SLC30A6: variants seen among roughly 807,000 people sequenced by gnomAD.
The protein encoded by SLC30A6 is solute carrier family 30 member 6.
Under a neutral mutation model 63.0 loss-of-function variants are expected in SLC30A6, and 55 were observed. The observed-to-expected ratio is 0.87, with a 90% CI of 0.70 to 1.09. The LOEUF (loss-of-function observed/expected upper bound fraction) is 1.09, where lower values mean the gene tolerates loss of function less well. Ranked by LOEUF, SLC30A6 falls within the 50% of genes least tolerant of loss-of-function variation. The probability of loss-of-function intolerance (pLI) is 0.00; values close to 1 mark genes in which losing one functional copy is unlikely to be tolerated. For synonymous variants in SLC30A6, 224 were observed against 186.1 expected, an observed-to-expected ratio of 1.20 and a Z score of -1.66; for missense variants, 587 against 549.2, an observed-to-expected ratio of 1.07 and a Z score of -0.69.
chr2:32,217,686 A>G (rs193211212), intron 13 of SLC30A6, among the ~76,000 whole-genome samples: 412 of 152,248 alleles, frequency 2.7e-3, no homozygotes, highest in Middle Eastern at 6.8e-3. Context: ...TGATCTTCCA[A>G]TCCATGAGCG....
At chr2:32,184,136 T>C (rs946826949) in intron 4 of SLC30A6, 137 bp from the exon 5 acceptor site, 12 of 296,484 alleles carry the variant, frequency 4.0e-5, no homozygotes, top group African/African-American at 2.6e-4. Context: ...CTTAATAAAT[T>C]ATTAGAATAA....
At position 32,218,354 on chromosome 2, in the gene SLC30A6, G is replaced by C. The variant is rs181352845; in HGVS notation, c.886-1859G>C. Among the ~76,000 whole-genome samples the C allele has an allele frequency of 9.2e-5, 14 of 152,272 alleles. No homozygotes were observed. In the East Asian group the frequency reaches 2.7e-3, roughly 29 times the overall value. ...ACTTCTAACTCTCATTGTAATGCCT[G>C]GTGTTCTCTATCCCTTAGAAGCCTT... On this transcript the variant is annotated intron_variant, in intron 13 of 13. Transcript: ENST00000282587.
chr2:32,191,942 C>G (rs1392562089), intron 5 of SLC30A6, among the ~76,000 whole-genome samples: 1 of 151,706 alleles, frequency 6.6e-6, no homozygotes, highest in African/African-American at 2.4e-5. Flanking sequence ...GTTAAGCACT[C>G]TGGTGTCTAA....
chr2:32,206,239 G>T (rs1356510330), intron 11 of SLC30A6, among the ~76,000 whole-genome samples: 1 of 151,766 alleles, frequency 6.6e-6, no homozygotes, highest in Admixed American at 6.6e-5. Flanking sequence ...GAGGTCAGGA[G>T]ATCAAGACCA....
At chr2:32,201,439 A>G (rs1414027409) in intron 10 of SLC30A6, among the ~76,000 whole-genome samples, 1 of 152,238 alleles carries the variant, frequency 6.6e-6, no homozygotes, top group Non-Finnish European at 1.5e-5. Context: ...ACTTGATATA[A>G]TTACTGATAG....
intron 10 of SLC30A6, chr2:32,201,831 C>A: frequency 7.0e-7 from 1 of 1,426,348 alleles, no homozygotes; most frequent in Middle Eastern, 1.9e-4. Flanking sequence ...ACCATTATGA[C>A]TCAGATGAGA....
intron 13 of SLC30A6, among the ~76,000 whole-genome samples, chr2:32,211,563 A>G (rs1685257057): frequency 6.6e-6 from 1 of 151,182 alleles, no homozygotes; most frequent in Admixed American, 6.6e-5. Context: ...ATGTCTTGGC[A>G]TTGGTCATTC....
chr2:32,201,569 T>A (rs1253689676), intron 10 of SLC30A6: 7 of 1,301,818 alleles, frequency 5.4e-6, no homozygotes, highest in Admixed American at 2.7e-5. Context: ...TTGTGGCCAC[T>A]GTGCCCGGAG....
At chr2:32,189,389 T>A (rs957129358) in intron 5 of SLC30A6, among the ~76,000 whole-genome samples, 1 of 151,694 alleles carries the variant, frequency 6.6e-6, no homozygotes, top group Non-Finnish European at 1.5e-5. Flanking sequence ...CCTCCCGGAT[T>A]TAAGCGATTC....
chr2:32,171,832 A>G (rs889713812), intron 2 of SLC30A6, among the ~76,000 whole-genome samples: 4 of 152,022 alleles, frequency 2.6e-5, no homozygotes, highest in East Asian at 1.9e-4. Context: ...AGCTGGGATT[A>G]CAGGCATGGG....
intron 10 of SLC30A6, 54 bp from the exon 11 acceptor site, chr2:32,204,535 GT>G: frequency 8.4e-7 from 1 of 1,185,456 alleles, no homozygotes; most frequent in Non-Finnish European, 1.2e-6. Context: ...AGATTTAATT[GT>G]AATATGCCCA....
chr2:32,173,860 C>T (rs541324160), intron 2 of SLC30A6, among the ~76,000 whole-genome samples: 22 of 152,306 alleles, frequency 1.4e-4, no homozygotes, highest in African/African-American at 4.8e-4. Flanking sequence ...AACAACTCTC[C>T]TTCTGGAACT....
In SLC30A6 at chr2:32,192,941, C is replaced by T. The variant is rs769253936; in HGVS notation, c.389C>T (p.Pro130Leu). ...AGTGCAGAACGCTTTTTGGAACAGC[C>T]CGAGATACACACGTGAGATTTTATT... ...KESAERFLEQ[P>L]EIHTGRLLVG... The change falls in exon 7 of 14, where the codon CCC (proline) becomes CTC (leucine). Residue 130 changes from proline to leucine, a missense_variant. Transcript: ENST00000282587. 2 of 1,513,294 alleles carry T rather than the reference C, an allele frequency of 1.3e-6. No homozygotes were observed. The highest frequency in any genetic ancestry group is 2.6e-5 in the South Asian group (2 of 76,900). The allele number at this position is 1,513,294 out of a possible 1,614,324, so 93.7% of individuals were successfully genotyped here. A position where few individuals can be genotyped will look rare whatever the true frequency, so the allele number is the denominator to read the frequency against.
At chr2:32,173,977 T>A in intron 2 of SLC30A6, 86 bp from the exon 3 acceptor site, 1 of 946,732 alleles carries the variant, frequency 1.1e-6, no homozygotes, top group Non-Finnish European at 1.6e-6. Flanking sequence ...TTCCTTTGAA[T>A]ATCAGAGTAT....
intron 13 of SLC30A6, among the ~76,000 whole-genome samples, chr2:32,217,412 GT>G (rs1397612341): frequency 6.6e-6 from 1 of 152,036 alleles, no homozygotes; most frequent in Non-Finnish European, 1.5e-5. Flanking sequence ...TCTTTATTCT[GT>G]TCCATTGGTC....
In SLC30A6 at chr2:32,191,732, A is replaced by G. The variant is rs554004480; in HGVS notation, c.285-604A>G. 1.1e-4 allele frequency among the ~76,000 whole-genome samples: 17 copies of G among 151,212 alleles called. No individual in the cohort carries two copies. In the East Asian group the frequency reaches 1.2e-3, roughly 10 times the overall value. ...GTCCTAAACTTCTTATCTGTTTGGGAAAAAAAAATGAGCCAAGTGTGGTGG... is the reference window on the plus strand; with the variant it reads ...GTCCTAAACTTCTTATCTGTTTGGGGAAAAAAAATGAGCCAAGTGTGGTGG... On this transcript the variant is annotated intron_variant, in intron 5 of 13. Transcript: ENST00000282587.
intron 10 of SLC30A6, chr2:32,202,161 T>G (rs1223293341): frequency 1.3e-6 from 1 of 762,002 alleles, no homozygotes; most frequent in Admixed American, 2.5e-5. Context: ...CTATAAAGCT[T>G]CTGAAAGGTT....
At chr2:32,189,513 T>A (rs1683135552) in intron 5 of SLC30A6, among the ~76,000 whole-genome samples, 1 of 151,028 alleles carries the variant, frequency 6.6e-6, no homozygotes, top group African/African-American at 2.4e-5. Flanking sequence ...GCCAGGCTGG[T>A]CTTGAACTCC....
chr2:32,219,041 T>C (rs1260730906), intron 13 of SLC30A6, among the ~76,000 whole-genome samples: 1 of 152,200 alleles, frequency 6.6e-6, no homozygotes, highest in Non-Finnish European at 1.5e-5. Flanking sequence ...CTACCTATCA[T>C]TTTTCTTTCT....
Sources: gnomAD v4.1 joint callset for allele counts (sites outside exome capture counted in the v4.1 genomes callset) on GRCh38, gnomAD v4.1.1 for gene constraint, MANE v1.5 for transcripts, NCBI Gene and HGNC (gene_info 2026-07-23, HGNC 2026-07-21) for gene names.